The following AXIN1 variants were observed in gnomAD, a reference collection of about 807,000 sequenced individuals.
AXIN1 encodes the protein axin-1.
In AXIN1, 30 loss-of-function variants were observed where a neutral mutation model predicts 76.4. The ratio of observed to expected loss-of-function variants is 0.39; its 90% CI spans 0.29 to 0.53. The LOEUF is 0.53. AXIN1 is among the 20% of genes least tolerant of loss of function. The probability of loss-of-function intolerance (pLI) is 0.66; values close to 1 mark genes in which losing one functional copy is unlikely to be tolerated. For missense variants in AXIN1, 1,140 were observed against 1,198.8 expected, an observed-to-expected ratio of 0.95 and a Z score of 0.72; for synonymous variants, 545 against 501.4, an observed-to-expected ratio of 1.09 and a Z score of -1.16.
At chr16:335,220 T>A (rs139475203) in intron 2 of AXIN1, among the ~76,000 whole-genome samples, 14 of 152,180 alleles carry the variant, frequency 9.2e-5, no homozygotes, top group Admixed American at 2.6e-4. Context: ...CCAAAGCTAA[T>A]GGAATTTCCA....
intron 2 of AXIN1, among the ~76,000 whole-genome samples, chr16:326,892 A>T (rs528359627): frequency 6.6e-6 from 1 of 151,248 alleles, no homozygotes; most frequent in Non-Finnish European, 1.5e-5. Context: ...TGTAATCCCA[A>T]CAGTTTGGGA....
intron 3 of AXIN1, among the ~76,000 whole-genome samples, chr16:311,349 G>C (rs1280897077): frequency 6.6e-6 from 1 of 152,016 alleles, no homozygotes; most frequent in Non-Finnish European, 1.5e-5. Context: ...TTTTCTTTAT[G>C]AACCCTTTAG....
rs1476778699 is a variant in AXIN1, at chr16:298,143, C to G, written c.1363G>C (p.Gly455Arg). 4.5e-6 allele frequency: 7 copies of G among 1,544,026 alleles called. No individual in the cohort carries two copies. Among genetic ancestry groups the G allele is most frequent in the South Asian group, 1.2e-5 (1 of 84,308 alleles). The change falls in exon 6 of 11, where the codon GGC (glycine) becomes CGC (arginine). Residue 455 changes from glycine to arginine, a missense_variant. Gly to Arg is a moderately radical substitution (Grantham distance 125). Around this residue, in one of 3 missense-constraint regions of AXIN1, gnomAD observed 708 missense variants for 776.9 expected, o/e 0.91. Transcript: ENST00000262320. ...HHFPPRCVDMGCAGLRDAHEE... is the reference protein window; with the variant it reads ...HHFPPRCVDMRCAGLRDAHEE... The stretch of plus-strand genomic sequence containing the variant: ...TGTGCATCCCGGAGCCCGGCACAGC[C>G]CATGTCCACACAGCGGGGCGGGAAG...
At chr16:295,994 G>A (rs1204792452) in intron 7 of AXIN1, among the ~76,000 whole-genome samples, 3 of 152,210 alleles carry the variant, frequency 2.0e-5, no homozygotes, top group Non-Finnish European at 4.4e-5. Flanking sequence ...GGCCAGGAAT[G>A]GTGGCTCATG....
rs1249674216 is a variant in AXIN1, at chr16:297,993, C to T, written c.1513G>A (p.Ala505Thr). The change falls in exon 6 of 11, where the codon GCA (alanine) becomes ACA (threonine). Residue 505 changes from alanine to threonine, a missense_variant. Physicochemically the swap from Ala to Thr is moderately conservative, Grantham distance 58. Around this residue, in one of 3 missense-constraint regions of AXIN1, gnomAD observed 708 missense variants for 776.9 expected, o/e 0.91. Transcript: ENST00000262320. ...TGCCCCGAGGCGGCACCCCCCAGTGCCACTGGCATCTTGGCCACGTGCCCA... is the reference window on the plus strand; with the variant it reads ...TGCCCCGAGGCGGCACCCCCCAGTGTCACTGGCATCTTGGCCACGTGCCCA... ...DSGHVAKMPV[A>T]LGGAASGHGK... 6.2e-7 allele frequency: 1 copy of T among 1,601,100 alleles called. No individual in the cohort carries two copies. The highest frequency in any genetic ancestry group is 8.5e-7 in the Non-Finnish European group (1 of 1,178,444).
chr16:348,605 AC>A (rs1462944173), intron 1 of AXIN1, among the ~76,000 whole-genome samples: 2 of 151,948 alleles, frequency 1.3e-5, no homozygotes, highest in East Asian at 3.9e-4. Context: ...TTCAAGACTA[AC>A]CTGGGCAACA....
At chr16:326,394 T>TATATATATATATACATACACAC (rs144093618) in intron 2 of AXIN1, among the ~76,000 whole-genome samples, 1 of 119,660 alleles carries the variant, frequency 8.4e-6, no homozygotes, top group African/African-American at 3.5e-5. Context: ...TATATATATA[T>TATATATATATATACATACACAC]ACACACCTAT....
intron 4 of AXIN1, 107 bp downstream of exon 4, chr16:309,866 G>A: frequency 1.8e-6 from 2 of 1,091,178 alleles, no homozygotes; most frequent in Non-Finnish European, 2.8e-6. Flanking sequence ...CTAGAGGTAA[G>A]CCTGGCTCGT....
chr16:308,924 C>G (rs1340216578), intron 4 of AXIN1, among the ~76,000 whole-genome samples: 1 of 152,178 alleles, frequency 6.6e-6, no homozygotes, highest in Non-Finnish European at 1.5e-5. Context: ...AAACTGATGT[C>G]TGCAGAAAAG....
intron 2 of AXIN1, among the ~76,000 whole-genome samples, chr16:326,394 T>TATATATATATATATATATATACACAC (rs144093618): frequency 7.3e-4 from 87 of 119,418 alleles, no homozygotes; most frequent in African/African-American, 1.7e-3. Context: ...TATATATATA[T>TATATATATATATATATATATACACAC]ACACACCTAT....
In AXIN1 at chr16:291,225, T is replaced by C; in HGVS notation, c.2259A>G (p.Val753=). 3 of 1,588,158 alleles carry C rather than the reference T, an allele frequency of 1.9e-6. No individual in the cohort carries two copies. The highest frequency in any genetic ancestry group is 2.6e-6 in the Non-Finnish European group (3 of 1,168,382). ...RPACAPVLHV[V]PAVSDMELSE... The stretch of plus-strand genomic sequence containing the variant: ...AGAGCTCCATGTCCGACACGGCTGG[T>C]ACCACGTGCAGCACCGGCGCGCACG... Residue 753 remains valine (V), a synonymous_variant, in exon 9 of 11, where the codon GTA becomes GTG. Coordinates refer to ENST00000262320, the MANE Select transcript of AXIN1 (RefSeq NM_003502.4).
At chr16:311,707 G>C (rs3916698) in intron 3 of AXIN1, among the ~76,000 whole-genome samples, 66,436 of 151,496 alleles carry the variant, frequency 0.44, 14,836 homozygotes, top group South Asian at 0.65. Flanking sequence ...GGAGGCGGAG[G>C]TTGCAGTGAG....
At chr16:309,775 A>G (rs1170252954) in intron 4 of AXIN1, among the ~76,000 whole-genome samples, 198 bp downstream of exon 4, 2 of 152,182 alleles carry the variant, frequency 1.3e-5, no homozygotes, top group Non-Finnish European at 2.9e-5. Context: ...CTGGGCCCTA[A>G]ATGCTGCCTG....
At chr16:305,704 C>A (rs918633759) in intron 4 of AXIN1, among the ~76,000 whole-genome samples, 2 of 152,026 alleles carry the variant, frequency 1.3e-5, no homozygotes, top group African/African-American at 4.8e-5. Flanking sequence ...CCACCATGCC[C>A]GGCTAATTTT....
intron 5 of AXIN1, among the ~76,000 whole-genome samples, chr16:298,838 G>A (rs1301451396): frequency 6.6e-6 from 1 of 151,756 alleles, no homozygotes; most frequent in African/African-American, 2.4e-5. Context: ...GTGCCATCTC[G>A]GCTCCCTGCA....
chr16:308,128 A>C (rs1274495764), intron 4 of AXIN1, among the ~76,000 whole-genome samples: 2 of 152,222 alleles, frequency 1.3e-5, no homozygotes, highest in East Asian at 3.8e-4. Flanking sequence ...TGCGGAACGC[A>C]GCAGGGCCTG....
chr16:338,654 G>A (rs937352177), intron 2 of AXIN1, among the ~76,000 whole-genome samples: 1 of 152,244 alleles, frequency 6.6e-6, no homozygotes, highest in African/African-American at 2.4e-5. Context: ...TGGGCACAGT[G>A]GCTCACGCCT....
chr16:296,300 C>T (rs892818746), intron 7 of AXIN1, among the ~76,000 whole-genome samples: 2 of 152,368 alleles, frequency 1.3e-5, no homozygotes, highest in African/African-American at 4.8e-5. Flanking sequence ...GAGGGAGATG[C>T]GTCCTGGCCA....
At chr16:350,155 G>C (rs772289271) in intron 1 of AXIN1, among the ~76,000 whole-genome samples, 3 of 152,170 alleles carry the variant, frequency 2.0e-5, no homozygotes, top group Non-Finnish European at 4.4e-5. Flanking sequence ...TTACAATCAT[G>C]TGTATTTTTG....
Sources: allele counts gnomAD v4.1 joint callset (sites outside exome capture counted in the v4.1 genomes callset), GRCh38; gene constraint gnomAD v4.1.1; regional missense constraint gnomAD v4.1.1; transcripts MANE v1.5; gene names NCBI Gene and HGNC (gene_info 2026-07-23, HGNC 2026-07-21).